The following PDE4D variants were observed in gnomAD, a reference collection of about 807,000 sequenced individuals.
PDE4D encodes phosphodiesterase 4D.
In PDE4D, 24 loss-of-function variants were observed where a neutral mutation model predicts 87.4. That is an observed-to-expected ratio of 0.27 (90% confidence interval 0.20 to 0.39). The LOEUF is 0.39. Among genes scored for constraint, PDE4D ranks in the 10% least tolerant of loss-of-function variants. PDE4D has a pLI of 1.00. For synonymous variants in PDE4D, 384 were observed against 383.2 expected (o/e 1.00, Z -0.02); for missense variants, 714 against 1,041.0 (o/e 0.69, Z 4.32).
intron 1 of PDE4D, among the ~76,000 whole-genome samples, chr5:60,513,721 A>G (rs909032238): frequency 1.3e-5 from 2 of 152,012 alleles, no homozygotes; most frequent in Non-Finnish European, 2.9e-5. Flanking sequence ...ATTTATAAAG[A>G]ACATGTAGCT....
chr5:59,203,657 C>G (rs904090502), intron 2 of PDE4D, among the ~76,000 whole-genome samples: 1 of 151,986 alleles, frequency 6.6e-6, no homozygotes, highest in African/African-American at 2.4e-5. Flanking sequence ...GAATCCTACT[C>G]AGGCTTAAAA....
chr5:60,399,416 C>T (rs1646777600), intron 1 of PDE4D, among the ~76,000 whole-genome samples: 1 of 152,192 alleles, frequency 6.6e-6, no homozygotes, highest in Admixed American at 6.5e-5. Flanking sequence ...CTGTGGCCTT[C>T]TGGTATCTGA....
At chr5:60,415,618 A>C (rs1742448618) in intron 1 of PDE4D, among the ~76,000 whole-genome samples, 1 of 152,174 alleles carries the variant, frequency 6.6e-6, no homozygotes, top group Non-Finnish European at 1.5e-5. Flanking sequence ...TGCTGCACTC[A>C]ATTTCTCACC....
intron 2 of PDE4D, among the ~76,000 whole-genome samples, chr5:60,045,789 A>G (rs1233990638): frequency 2.0e-5 from 3 of 152,016 alleles, no homozygotes; most frequent in South Asian, 4.1e-4. Context: ...TTTGAAGTCA[A>G]GTAGTGTGAT....
At chr5:59,568,232 T>C (rs1201575312) in intron 1 of PDE4D, among the ~76,000 whole-genome samples, 4 of 152,108 alleles carry the variant, frequency 2.6e-5, no homozygotes, top group East Asian at 1.9e-4. Context: ...CAAGAAATAG[T>C]ACCCAATGGC....
chr5:59,039,134 G>A, intron 5 of PDE4D, 163 bp from the exon 6 acceptor site: 2 of 1,362,012 alleles, frequency 1.5e-6, no homozygotes, highest in Non-Finnish European at 1.9e-6. Context: ...GTGCAACGGG[G>A]GCGGAGGCTG....
At chr5:59,396,745 A>G (rs938801516) in intron 1 of PDE4D, among the ~76,000 whole-genome samples, 2 of 119,026 alleles carry the variant, frequency 1.7e-5, no homozygotes, top group Admixed American at 8.2e-5. Flanking sequence ...TTAACTTTAA[A>G]TGTAAATGGA....
chr5:59,592,181 T>C (rs1583243394), intron 1 of PDE4D: 1 of 969,528 alleles, frequency 1.0e-6, no homozygotes, highest in Non-Finnish European at 1.2e-6. Flanking sequence ...TTCTTCTCTA[T>C]ATTTATAACA....
intron 2 of PDE4D, among the ~76,000 whole-genome samples, chr5:60,032,259 C>T (rs890219243): frequency 1.3e-5 from 2 of 152,140 alleles, no homozygotes; most frequent in Admixed American, 6.5e-5. Context: ...ATATAAATCT[C>T]GTCCCCTTTA....
intron 1 of PDE4D, among the ~76,000 whole-genome samples, chr5:59,641,625 C>T (rs1245039724): frequency 6.6e-6 from 1 of 152,136 alleles, no homozygotes; most frequent in African/African-American, 2.4e-5. Context: ...ATGAACACAT[C>T]AATACAAAAC....
In PDE4D at chr5:59,940,447, A is replaced by C. The variant is rs574081763; in HGVS notation, c.272+48041T>G. On this transcript the variant is annotated intron_variant, in intron 3 of 16. Coordinates refer to the PDE4D transcript ENST00000502484. Reference sequence around the variant, plus strand: ...GATTACACTACAGTACTGGTGGTGGAGGTAGAGAGAGGAGGACACAAACGA... The same window carrying C: ...GATTACACTACAGTACTGGTGGTGGCGGTAGAGAGAGGAGGACACAAACGA... Among the ~76,000 whole-genome samples, 110 of 152,220 alleles carry C rather than the reference A, an allele frequency of 7.2e-4. 1 individual carries two copies. The highest frequency in any genetic ancestry group is 2.5e-3 in the African/African-American group (105 of 41,548).
At chr5:60,026,240 AAAC>A (rs1367140087) in intron 2 of PDE4D, among the ~76,000 whole-genome samples, 6 of 152,308 alleles carry the variant, frequency 3.9e-5, no homozygotes, top group East Asian at 1.9e-4. Context: ...GTTTAAAACA[AAAC>A]AACAACAACA....
chr5:60,260,745 A>G (rs926318490), intron 1 of PDE4D, among the ~76,000 whole-genome samples: 5 of 152,150 alleles, frequency 3.3e-5, no homozygotes, highest in African/African-American at 7.2e-5. Context: ...CAAAATAAAC[A>G]ACAGAGTCCT....
intron 2 of PDE4D, among the ~76,000 whole-genome samples, chr5:60,132,869 A>G (rs1278947060): frequency 6.6e-6 from 1 of 152,114 alleles, no homozygotes; most frequent in Non-Finnish European, 1.5e-5. Context: ...GAAAAAAAAA[A>G]TTACTCAAGT....
chr5:59,963,888 C>A (rs1384225793), intron 3 of PDE4D, among the ~76,000 whole-genome samples: 2 of 152,138 alleles, frequency 1.3e-5, no homozygotes, highest in East Asian at 3.8e-4. Flanking sequence ...CTCCTAAGAC[C>A]AGCTCTTGTT....
At chr5:59,494,948 G>C (rs1051041432) in intron 1 of PDE4D, among the ~76,000 whole-genome samples, 3 of 152,094 alleles carry the variant, frequency 2.0e-5, no homozygotes, top group Admixed American at 6.5e-5. Context: ...TTTAACACAG[G>C]CTCCTGTATT....
chr5:59,814,349 A>G (rs1167924178), intron 1 of PDE4D, among the ~76,000 whole-genome samples: 1 of 152,222 alleles, frequency 6.6e-6, no homozygotes, highest in East Asian at 1.9e-4. Context: ...CTTTTACAGA[A>G]CAATTTGGCT....
intron 2 of PDE4D, among the ~76,000 whole-genome samples, chr5:60,105,072 G>A (rs910273049): frequency 2.0e-5 from 3 of 152,146 alleles, no homozygotes; most frequent in African/African-American, 7.2e-5. Context: ...CCGAGCTTCA[G>A]GAGAAAATTC....
chr5:59,009,432 A>G (rs1030069907), intron 6 of PDE4D, among the ~76,000 whole-genome samples: 4 of 152,180 alleles, frequency 2.6e-5, no homozygotes, highest in Admixed American at 2.6e-4. Flanking sequence ...AATAGATGCA[A>G]TAACACAAAA....
Sources: gnomAD v4.1 joint callset for allele counts (sites outside exome capture counted in the v4.1 genomes callset) on GRCh38, gnomAD v4.1.1 for gene constraint, MANE v1.5 for transcripts, NCBI Gene and HGNC (gene_info 2026-07-23, HGNC 2026-07-21) for gene names.